Variants in EML6 observed in about 807,000 individuals in gnomAD.
EML6 encodes the protein echinoderm microtubule-associated protein-like 6.
In EML6, 154 loss-of-function variants were observed where a neutral mutation model predicts 240.1. The ratio of observed to expected loss-of-function variants is 0.64; its 90% CI spans 0.56 to 0.73. EML6 has a LOEUF of 0.73. EML6 is among the 30% of genes least tolerant of loss of function. The probability of loss-of-function intolerance (pLI) is 0.00; values close to 1 mark genes in which losing one functional copy is unlikely to be tolerated. For missense variants in EML6, 2,964 were observed against 2,474.6 expected (o/e 1.20, Z -4.20); for synonymous variants, 1,148 against 899.0 (o/e 1.28, Z -4.95).
At chr2:54,804,850 C>T (rs975729813) in intron 2 of EML6, among the ~76,000 whole-genome samples, 3 of 152,192 alleles carry the variant, frequency 2.0e-5, no homozygotes, top group South Asian at 4.1e-4. Context: ...TTTCTTTAGA[C>T]ATGTTGACTT....
chr2:54,801,799 CTA>C (rs1331169140), intron 2 of EML6, among the ~76,000 whole-genome samples: 1 of 152,188 alleles, frequency 6.6e-6, no homozygotes, highest in Non-Finnish European at 1.5e-5. Context: ...GGTTAGAAAA[CTA>C]TGAGGCCCTA....
chr2:54,876,279 A>G (rs144080923), intron 16 of EML6, among the ~76,000 whole-genome samples: 40 of 152,328 alleles, frequency 2.6e-4, no homozygotes, highest in African/African-American at 9.4e-4. Context: ...TTTATTTCCA[A>G]ACTGTGTAGT....
chr2:54,865,005 C>T (rs1558628148), intron 13 of EML6, among the ~76,000 whole-genome samples: 2 of 152,142 alleles, frequency 1.3e-5, no homozygotes, highest in Non-Finnish European at 2.9e-5. Flanking sequence ...AGATTATTGT[C>T]TGTGGCCATA....
At chr2:54,744,818 G>C (rs1009760050) in intron 2 of EML6, among the ~76,000 whole-genome samples, 50 of 151,950 alleles carry the variant, frequency 3.3e-4, no homozygotes, top group African/African-American at 1.1e-3. Context: ...GCACAGAAGA[G>C]ACCTTGCCTA....
At chr2:54,814,471 C>T (rs1343921749) in intron 3 of EML6, among the ~76,000 whole-genome samples, 1 of 152,194 alleles carries the variant, frequency 6.6e-6, no homozygotes, top group African/African-American at 2.4e-5. Flanking sequence ...GCATTCATCT[C>T]CTCCCTAAGG....
intron 25 of EML6, among the ~76,000 whole-genome samples, chr2:54,916,425 C>A (rs989285114): frequency 6.6e-6 from 1 of 152,208 alleles, no homozygotes; most frequent in African/African-American, 2.4e-5. Flanking sequence ...GACATCAGTG[C>A]TGGCGTTGGG....
chr2:54,858,526 G>A (rs1670508137), intron 11 of EML6, among the ~76,000 whole-genome samples: 1 of 152,164 alleles, frequency 6.6e-6, no homozygotes, highest in Admixed American at 6.5e-5. Context: ...ACCTTAGTTG[G>A]AGCCAGTTTG....
chr2:54,836,981 C>A, intron 7 of EML6, among the ~76,000 whole-genome samples: 1 of 152,186 alleles, frequency 6.6e-6, no homozygotes, highest in African/African-American at 2.4e-5. Context: ...GCCTCAGCCA[C>A]CCCTTCCTGA....
intron 28 of EML6, among the ~76,000 whole-genome samples, chr2:54,936,813 C>T (rs1195946993): frequency 6.6e-6 from 1 of 152,186 alleles, no homozygotes; most frequent in Non-Finnish European, 1.5e-5. Flanking sequence ...AGAGGTTTAA[C>T]TGCTCCTTCT....
At chr2:54,951,390 A>G (rs931039054) in intron 30 of EML6, among the ~76,000 whole-genome samples, 1 of 152,028 alleles carries the variant, frequency 6.6e-6, no homozygotes, top group Non-Finnish European at 1.5e-5. Flanking sequence ...AAAATTAGCC[A>G]GGCATGGTGG....
intron 11 of EML6, 21 bp downstream of exon 11, chr2:54,853,876 T>A: frequency 6.7e-7 from 1 of 1,494,344 alleles, no homozygotes; most frequent in Non-Finnish European, 9.1e-7. Flanking sequence ...AAGAGATGTT[T>A]CATTGCATAA....
intron 7 of EML6, among the ~76,000 whole-genome samples, chr2:54,838,295 A>G (rs59755359): frequency 0.012 from 1,882 of 152,300 alleles, 44 homozygotes; most frequent in African/African-American, 0.041. Context: ...GCGGGTTAAA[A>G]TAATAGCATA....
chr2:54,821,797 C>G (rs141083113), intron 5 of EML6, among the ~76,000 whole-genome samples: 11 of 152,102 alleles, frequency 7.2e-5, no homozygotes, highest in African/African-American at 2.6e-4. Flanking sequence ...ATACTTCATA[C>G]TATACACTAA....
At chr2:54,918,025 A>T (rs1283895883) in intron 26 of EML6, among the ~76,000 whole-genome samples, 1 of 152,230 alleles carries the variant, frequency 6.6e-6, no homozygotes, top group African/African-American at 2.4e-5. Flanking sequence ...GCCACACTAC[A>T]AAATTGAATC....
At chr2:54,906,970 C>T (rs1316184782) in intron 24 of EML6, among the ~76,000 whole-genome samples, 9 of 152,120 alleles carry the variant, frequency 5.9e-5, no homozygotes, top group Non-Finnish European at 1.5e-5. Context: ...GCTGGCTTCT[C>T]AGGGTGGGGG....
chr2:54,869,628 GT>G (rs1415795536), intron 15 of EML6, among the ~76,000 whole-genome samples: 2 of 152,164 alleles, frequency 1.3e-5, no homozygotes, highest in African/African-American at 4.8e-5. Context: ...AATGGTGAAA[GT>G]TTTGTCAAGG....
intron 2 of EML6, among the ~76,000 whole-genome samples, chr2:54,808,972 T>TA (rs1343160208): frequency 6.6e-6 from 1 of 152,192 alleles, no homozygotes; most frequent in African/African-American, 2.4e-5. Flanking sequence ...GTTTATATAT[T>TA]AAAAAACAGT....
At chr2:54,966,323 A>C (rs1424665873) in intron 38 of EML6, among the ~76,000 whole-genome samples, 1 of 152,238 alleles carries the variant, frequency 6.6e-6, no homozygotes, top group East Asian at 1.9e-4. Flanking sequence ...GTTCCAGGCC[A>C]TCTGCATGAA....
intron 30 of EML6, 110 bp downstream of exon 30, chr2:54,950,889 T>C: frequency 8.9e-7 from 1 of 1,117,486 alleles, no homozygotes; most frequent in Non-Finnish European, 1.3e-6. Flanking sequence ...TATAGAGCCA[T>C]TCCCCCCAAT....
Sources: allele counts gnomAD v4.1 joint callset (sites outside exome capture counted in the v4.1 genomes callset), GRCh38; gene constraint gnomAD v4.1.1; transcripts MANE v1.5; gene names NCBI Gene and HGNC (gene_info 2026-07-23, HGNC 2026-07-21).